Variants in ADGRF5 observed in about 807,000 individuals in gnomAD.
The protein encoded by ADGRF5 is G-protein coupled receptor 116.
ADGRF5 carries 75 observed loss-of-function variants against 132.3 expected under a neutral mutation model. The observed-to-expected ratio is 0.57, with a 90% CI of 0.47 to 0.69. The LOEUF (loss-of-function observed/expected upper bound fraction) is 0.69, where lower values mean the gene tolerates loss of function less well. Ranked by LOEUF, ADGRF5 falls within the 30% of genes least tolerant of loss-of-function variation. The probability of loss-of-function intolerance (pLI) is 0.00; values close to 1 mark genes in which losing one functional copy is unlikely to be tolerated. For synonymous variants in ADGRF5, 629 were observed against 597.6 expected (o/e 1.05, Z -0.77); for missense variants, 1,516 against 1,630.6 (o/e 0.93, Z 1.21).
chr6:46,897,264 T>C (rs1197491871), intron 3 of ADGRF5, among the ~76,000 whole-genome samples: 2 of 152,056 alleles, frequency 1.3e-5, no homozygotes, highest in African/African-American at 2.4e-5. Context: ...AATATAAGTA[T>C]TGATCCTATC....
At position 46,920,909 on chromosome 6, in the gene ADGRF5, C is replaced by T. The variant is rs527968519; in HGVS notation, c.-25+804G>A. Among the ~76,000 whole-genome samples, 138 of 152,114 alleles carry T rather than the reference C, an allele frequency of 9.1e-4. 1 individual carries two copies. Among genetic ancestry groups the T allele is most frequent in the Non-Finnish European group, 1.4e-3 (95 of 67,996 alleles). ...AAATCTATTTAGAGATATTCTTTTA[C>T]GATAAGAATATAGTCAAGTATTATC... On this transcript the variant is annotated intron_variant, in intron 1 of 20. Coordinates refer to ENST00000283296, the MANE Select transcript of ADGRF5 (RefSeq NM_001098518.2).
At position 46,853,954 on chromosome 6, in the gene ADGRF5, T is replaced by C; in HGVS notation, c.*38A>G. The C allele has an allele frequency of 7.2e-7, 1 of 1,382,868 alleles. No homozygotes were observed. Among genetic ancestry groups the C allele is most frequent in the Non-Finnish European group, 1.0e-6 (1 of 989,768 alleles). The allele number at this position is 1,382,868 out of a possible 1,614,324, so 85.7% of individuals were successfully genotyped here. A position where few individuals can be genotyped will look rare whatever the true frequency, so the allele number is the denominator to read the frequency against. The stretch of plus-strand genomic sequence containing the variant: ...CATCTCTTTTTAAAAGCACAGCCAC[T>C]GTCCCCGGGAGGTCACGTAGGTTGG... On this transcript the variant is annotated 3_prime_UTR_variant, in exon 21 of 21. Coordinates refer to ENST00000283296, the MANE Select transcript of ADGRF5 (RefSeq NM_001098518.2).
At chr6:46,906,143 A>G (rs559023405) in intron 2 of ADGRF5, among the ~76,000 whole-genome samples, 43 of 152,290 alleles carry the variant, frequency 2.8e-4, no homozygotes, top group Middle Eastern at 3.4e-3. Context: ...CACCTGAATA[A>G]TCTGTCAGCA....
chr6:46,911,757 C>G (rs1345223380), intron 1 of ADGRF5, among the ~76,000 whole-genome samples: 3 of 152,054 alleles, frequency 2.0e-5, no homozygotes, highest in Non-Finnish European at 4.4e-5. Context: ...ACTGGAAAAA[C>G]ATTTATTAAG....
At chr6:46,867,347 T>C (rs949528372) in intron 12 of ADGRF5, among the ~76,000 whole-genome samples, 10 of 152,178 alleles carry the variant, frequency 6.6e-5, no homozygotes, top group African/African-American at 2.2e-4. Flanking sequence ...ACCACGTAAA[T>C]ATGCACTTAC....
intron 1 of ADGRF5, among the ~76,000 whole-genome samples, chr6:46,947,862 C>T (rs538964979): frequency 6.6e-6 from 1 of 152,312 alleles, no homozygotes; most frequent in Admixed American, 6.5e-5. Context: ...CCAGCAGAGG[C>T]CAACAACCCA....
chr6:46,864,288 A>G (rs1770124054), intron 14 of ADGRF5, among the ~76,000 whole-genome samples: 1 of 152,182 alleles, frequency 6.6e-6, no homozygotes, highest in African/African-American at 2.4e-5. Flanking sequence ...ATGTGATGGC[A>G]AATTGACTCA....
intron 20 of ADGRF5, 146 bp downstream of exon 20, chr6:46,855,828 G>T (rs1009395236): frequency 4.8e-6 from 3 of 626,452 alleles, no homozygotes; most frequent in Non-Finnish European, 8.7e-6. Flanking sequence ...TTGTGAAAAT[G>T]TAAGTTCCTC....
At chr6:46,863,542 G>T (rs944204892) in intron 14 of ADGRF5, among the ~76,000 whole-genome samples, 2 of 152,136 alleles carry the variant, frequency 1.3e-5, no homozygotes, top group Non-Finnish European at 2.9e-5. Flanking sequence ...AGGAACTCTA[G>T]GTACCCATGA....
intron 1 of ADGRF5, among the ~76,000 whole-genome samples, chr6:46,948,477 TG>T (rs1238852311): frequency 7.9e-5 from 1 of 12,580 alleles, no homozygotes; most frequent in African/African-American, 9.2e-4. Context: ...CTCTAGTGAG[TG>T]TGTGTGTGTG....
In ADGRF5 at chr6:46,854,032, G is replaced by A. The variant is rs147148177; in HGVS notation, c.4001C>T (p.Ser1334Phe). 8.7e-5 allele frequency: 139 copies of A among 1,605,032 alleles called. 1 individual carries two copies. Among genetic ancestry groups the A allele is most frequent in the East Asian group, 5.2e-4 (23 of 44,288 alleles). Residue 1334 changes from serine to phenylalanine, a missense_variant, in exon 21 of 21, where the codon TCC becomes TTC. By Grantham distance (155) the Ser-to-Phe change is radical. This residue lies in a region of ADGRF5 where 571 missense variants were observed against 701.2 expected (regional missense o/e 0.81). Coordinates refer to ENST00000283296, the MANE Select transcript of ADGRF5 (RefSeq NM_001098518.2). ...NVSTPEATSS[S>F]LENSSSASSL... ...AGAAGCACTGGATGAGTTTTCCAGG[G>A]ATGAGCTGGTTGCTTCTGGGGTGGA...
intron 1 of ADGRF5, among the ~76,000 whole-genome samples, chr6:46,953,169 G>A (rs1582096388): frequency 6.6e-6 from 1 of 152,148 alleles, no homozygotes; most frequent in Non-Finnish European, 1.5e-5. Context: ...ACTTTAATGT[G>A]CATATGCATC....
chr6:46,867,099 T>G lies in ADGRF5; in HGVS notation c.1660A>C (p.Ser554Arg), dbSNP rs1770539153. 6.2e-7 allele frequency: 1 copy of G among 1,612,566 alleles called. No individual in the cohort carries two copies. The highest frequency in any genetic ancestry group is 8.5e-7 in the Non-Finnish European group (1 of 1,178,704). ...ACAATGACGTCTTTGGTTGCAATACTGTATGAATTCTTATATCTAAATATG... is the reference window on the plus strand; with the variant it reads ...ACAATGACGTCTTTGGTTGCAATACGGTATGAATTCTTATATCTAAATATG... Reference protein sequence around the residue: ...HCIFRYKNSYSIATKDVIVHP... With the variant: ...HCIFRYKNSYRIATKDVIVHP... The change falls in exon 13 of 21, where the codon AGT becomes CGT. Residue 554 changes from serine (S) to arginine (R), a missense_variant. Coordinates refer to ENST00000283296, the MANE Select transcript of ADGRF5 (RefSeq NM_001098518.2).
intron 1 of ADGRF5, among the ~76,000 whole-genome samples, chr6:46,907,257 T>C (rs1003454130): frequency 1.3e-5 from 2 of 152,212 alleles, no homozygotes; most frequent in Non-Finnish European, 2.9e-5. Context: ...GACTTGGTTA[T>C]AAAAAATGTA....
chr6:46,881,767 G>A (rs1239816512), intron 7 of ADGRF5, among the ~76,000 whole-genome samples, 170 bp from the exon 8 acceptor site: 1 of 152,162 alleles, frequency 6.6e-6, no homozygotes, highest in Non-Finnish European at 1.5e-5. Flanking sequence ...ATCATTGCAT[G>A]GCATTATTTC....
chr6:46,943,795 G>A (rs1485667818), intron 1 of ADGRF5, among the ~76,000 whole-genome samples: 2 of 152,118 alleles, frequency 1.3e-5, no homozygotes, highest in African/African-American at 2.4e-5. Context: ...CTTCAAGATA[G>A]GCTGCTGAAA....
Position 46,869,034 on chromosome 6 carries a change from T to C in ADGRF5, c.1470A>G (p.Ile490Met), listed in dbSNP as rs781570356. 5 of 1,613,948 alleles carry C rather than the reference T, an allele frequency of 3.1e-6. No individual in the cohort carries two copies. Among genetic ancestry groups the C allele is most frequent in the South Asian group, 2.2e-5 (2 of 91,080 alleles). The change falls in exon 12 of 21, where the codon ATA becomes ATG. Residue 490 changes from isoleucine (I) to methionine (M), a missense_variant. Ile to Met is a conservative substitution (Grantham distance 10, BLOSUM62 1). Around this residue, in one of 2 missense-constraint regions of ADGRF5, gnomAD observed 945 missense variants for 929.4 expected, o/e 1.02. Coordinates refer to ENST00000283296, the MANE Select transcript of ADGRF5 (RefSeq NM_001098518.2). ...AGTTACTCACATCACTGATGCATTT[T>C]ATAGAAAAGTTTTGTCCCTCAGAAA... ...ISVSEGQNFS[I>M]KCISDVSNYD... is the part of the protein sequence containing the mutation.
At chr6:46,877,404 A>G (rs142297003) in intron 10 of ADGRF5, among the ~76,000 whole-genome samples, 145 of 106,788 alleles carry the variant, frequency 1.4e-3, no homozygotes, top group African/African-American at 4.8e-3. Flanking sequence ...TTTTTTTCAT[A>G]TTTGACAACC....
intron 1 of ADGRF5, among the ~76,000 whole-genome samples, chr6:46,930,040 C>T (rs537309574): frequency 2.6e-5 from 4 of 151,966 alleles, no homozygotes; most frequent in East Asian, 2.0e-4. Flanking sequence ...AGGCTGGTCT[C>T]GAACTCCTGA....
Sources: gnomAD v4.1 joint callset for allele counts (sites outside exome capture counted in the v4.1 genomes callset) on GRCh38, gnomAD v4.1.1 for gene constraint, gnomAD v4.1.1 regional missense constraint, MANE v1.5 for transcripts, NCBI Gene and HGNC (gene_info 2026-07-23, HGNC 2026-07-21) for gene names.